Variants in RBFOX1 observed in about 807,000 individuals in gnomAD.
RBFOX1 encodes the protein RNA binding fox-1 homolog 1.
Under a neutral mutation model 57.7 loss-of-function variants are expected in RBFOX1, and 8 were observed. That is an observed-to-expected ratio of 0.14 (90% CI 0.08 to 0.25). The LOEUF (loss-of-function observed/expected upper bound fraction) is 0.25. RBFOX1 is among the 10% of genes least tolerant of loss of function. RBFOX1 has a pLI of 1.00. For synonymous variants in RBFOX1, 326 were observed against 222.4 expected (o/e 1.47, Z -4.15); for missense variants, 611 against 548.5 (o/e 1.11, Z -1.14).
Position 7,676,844 on chromosome 16 carries a change from G to C in RBFOX1, c.995+6G>C. The C allele has an allele frequency of 6.2e-7, 1 of 1,610,100 alleles. No individual in the cohort carries two copies. Among genetic ancestry groups the C allele is most frequent in the Non-Finnish European group, 8.5e-7 (1 of 1,176,632 alleles). On this transcript the variant is annotated splice_donor_region_variant and intron_variant, in intron 14 of 15. Coordinates refer to ENST00000550418, the MANE Select transcript of RBFOX1 (RefSeq NM_018723.4). ...GCCGCTGCCTACAGTGACAGGTAAG[G>C]GTCATCCTTCTTGTGCTTGACAACT...
chr16:6,803,038 T>C (rs2085866872), intron 3 of RBFOX1, among the ~76,000 whole-genome samples: 1 of 152,226 alleles, frequency 6.6e-6, no homozygotes, highest in Non-Finnish European at 1.5e-5. Flanking sequence ...AGGGACTTAC[T>C]CATTTCCATT....
At chr16:7,248,180 G>T (rs1015943011) in intron 4 of RBFOX1, among the ~76,000 whole-genome samples, 1 of 152,148 alleles carries the variant, frequency 6.6e-6, no homozygotes, top group Non-Finnish European at 1.5e-5. Context: ...TATCAGTTAG[G>T]GATATTACCA....
intron 2 of RBFOX1, among the ~76,000 whole-genome samples, chr16:6,574,434 T>C (rs2097394530): frequency 7.0e-6 from 1 of 142,400 alleles, no homozygotes; most frequent in African/African-American, 2.6e-5. Flanking sequence ...ATTTTTTTTT[T>C]TTTTTTTTTT....
chr16:6,011,114 A>C (rs888861388), intron 4 of RBFOX1, among the ~76,000 whole-genome samples: 4 of 152,214 alleles, frequency 2.6e-5, no homozygotes, highest in African/African-American at 9.6e-5. Flanking sequence ...AGTGCATTTG[A>C]AAGAAATCGA....
At position 7,512,463 on chromosome 16, in the gene RBFOX1, G is replaced by A. The variant is rs766880983; in HGVS notation, c.28-5684G>A. ...ATATTAGCTGTAATTAGCCTAAAGT[G>A]CAAATGTTGGGAATATTAATTAGGG... is the stretch of plus-strand genomic sequence containing the variant. On this transcript the variant is annotated intron_variant, in intron 4 of 15. Coordinates refer to ENST00000550418, the MANE Select transcript of RBFOX1 (RefSeq NM_018723.4). Among the ~76,000 whole-genome samples the A allele has an allele frequency of 2.6e-5, 4 of 152,340 alleles. No homozygotes were observed. The East Asian group carries it at 5.8e-4, about 22-fold the overall frequency.
intron 4 of RBFOX1, among the ~76,000 whole-genome samples, chr16:5,997,729 A>G (rs2060515355): frequency 6.6e-6 from 1 of 152,246 alleles, no homozygotes; most frequent in South Asian, 2.1e-4. Flanking sequence ...GAGCAAAATA[A>G]GCCTCATTCC....
chr16:6,248,128 A>G (rs578208473), intron 1 of RBFOX1, among the ~76,000 whole-genome samples: 1 of 152,300 alleles, frequency 6.6e-6, no homozygotes, highest in East Asian at 1.9e-4. Flanking sequence ...GAGCCAGTGT[A>G]CCAGAAGAGG....
chr16:7,598,714 G>C (rs972511736), intron 9 of RBFOX1, among the ~76,000 whole-genome samples: 1 of 152,016 alleles, frequency 6.6e-6, no homozygotes, highest in Non-Finnish European at 1.5e-5. Context: ...AATGATATAA[G>C]GATACACCTG....
intron 2 of RBFOX1, among the ~76,000 whole-genome samples, chr16:6,426,152 C>T (rs934784524): frequency 1.3e-4 from 20 of 151,942 alleles, no homozygotes; most frequent in African/African-American, 4.8e-4. Flanking sequence ...GTCTCTCTTT[C>T]TGTCTTTCCC....
At chr16:6,914,034 A>G (rs2072436696) in intron 3 of RBFOX1, among the ~76,000 whole-genome samples, 1 of 152,226 alleles carries the variant, frequency 6.6e-6, no homozygotes, top group South Asian at 2.1e-4. Context: ...CATTAAGCAA[A>G]AAATAGTGTT....
At chr16:7,550,207 A>G (rs568119315) in intron 5 of RBFOX1, among the ~76,000 whole-genome samples, 28 of 150,866 alleles carry the variant, frequency 1.9e-4, no homozygotes, top group African/African-American at 6.8e-4. Context: ...CTGGAATGCC[A>G]CTATGCCCAG....
chr16:6,775,878 C>G (rs2079241976), intron 3 of RBFOX1: 1 of 152,186 alleles, frequency 6.6e-6, no homozygotes, highest in East Asian at 1.9e-4. Context: ...TTCCACGATC[C>G]TCGCTTGGCT....
At chr16:5,582,077 C>A (rs978472760) in intron 2 of RBFOX1, among the ~76,000 whole-genome samples, 1 of 152,194 alleles carries the variant, frequency 6.6e-6, no homozygotes, top group Non-Finnish European at 1.5e-5. Context: ...GCAATTATTT[C>A]ACTGTTAAAA....
At chr16:6,951,429 A>G (rs1204534519) in intron 3 of RBFOX1, among the ~76,000 whole-genome samples, 1 of 152,196 alleles carries the variant, frequency 6.6e-6, no homozygotes, top group Non-Finnish European at 1.5e-5. Context: ...TAAGAATCTC[A>G]TAATGGAGTC....
rs534931886 is a variant in RBFOX1 at position 7,591,542 on chromosome 16, C to T, written c.469-4007C>T. On this transcript the variant is annotated intron_variant, in intron 7 of 15. Transcript: ENST00000550418. ...AAAATATTTTAAAGTAAGCAAGTCA[C>T]GTTGGTCTGGCAATCCTCTTAAGGT... Among the ~76,000 whole-genome samples the T allele has an allele frequency of 3.3e-5, 5 of 152,266 alleles. No individual in the cohort carries two copies. The South Asian group carries it at 1.0e-3, about 32-fold the overall frequency.
At chr16:7,349,952 G>C (rs2097097220) in intron 4 of RBFOX1, among the ~76,000 whole-genome samples, 2 of 152,156 alleles carry the variant, frequency 1.3e-5, no homozygotes, top group South Asian at 2.1e-4. Flanking sequence ...TTCGAGACCA[G>C]CCTGGGCAAC....
At chr16:7,028,228 T>C (rs8046607) in intron 3 of RBFOX1, among the ~76,000 whole-genome samples, 89,059 of 151,768 alleles carry the variant, frequency 0.59, 26,720 homozygotes, top group South Asian at 0.76. Context: ...TCCAGCTTTC[T>C]CCGTAATAGA....
intron 2 of RBFOX1, among the ~76,000 whole-genome samples, chr16:6,367,463 G>A (rs937502300): frequency 6.6e-6 from 1 of 151,998 alleles, no homozygotes; most frequent in Non-Finnish European, 1.5e-5. Context: ...CTAGAGACAG[G>A]GTTTCACTAT....
chr16:5,587,437 G>C (rs2046869222), intron 2 of RBFOX1, among the ~76,000 whole-genome samples: 2 of 152,204 alleles, frequency 1.3e-5, no homozygotes, highest in Non-Finnish European at 2.9e-5. Context: ...ATTGGGCCTG[G>C]TGCGGTCGCT....
Sources: allele counts gnomAD v4.1 joint callset (sites outside exome capture counted in the v4.1 genomes callset), GRCh38; gene constraint gnomAD v4.1.1; transcripts MANE v1.5; gene names NCBI Gene and HGNC (gene_info 2026-07-23, HGNC 2026-07-21).